The following RANBP17 variants were observed in gnomAD, a reference collection of about 807,000 sequenced individuals.
The protein encoded by RANBP17 is RAN binding protein 17, also known as ran-binding protein 17.
In RANBP17, 158 loss-of-function variants were observed where a neutral mutation model predicts 141.2. The observed-to-expected ratio is 1.12, with a 90% CI of 0.98 to 1.28. The LOEUF is 1.28. Among genes scored for constraint, RANBP17 ranks in the 50% most tolerant of loss-of-function variants. The pLI is 0.00. For synonymous variants in RANBP17, 430 were observed against 450.0 expected, an observed-to-expected ratio of 0.96 and a Z score of 0.56; for missense variants, 1,438 against 1,290.7, an observed-to-expected ratio of 1.11 and a Z score of -1.75.
At chr5:170,921,184 G>T (rs373329091) in intron 11 of RANBP17, among the ~76,000 whole-genome samples, 1 of 152,128 alleles carries the variant, frequency 6.6e-6, no homozygotes, top group African/African-American at 2.4e-5. Flanking sequence ...GTCCTGAATG[G>T]TATTGACTAG....
chr5:171,025,045 G>A (rs1394040862), intron 14 of RANBP17, among the ~76,000 whole-genome samples: 2 of 152,116 alleles, frequency 1.3e-5, no homozygotes, highest in African/African-American at 2.4e-5. Flanking sequence ...GCTTATGTCA[G>A]TACTCTGGAA....
intron 14 of RANBP17, among the ~76,000 whole-genome samples, chr5:171,066,364 A>G (rs1341328756): frequency 1.3e-5 from 2 of 151,908 alleles, no homozygotes; most frequent in African/African-American, 4.8e-5. Context: ...TCTGCTCTCT[A>G]CTTTTATGAG....
intron 14 of RANBP17, among the ~76,000 whole-genome samples, chr5:171,068,217 C>G (rs752031495): frequency 3.0e-4 from 46 of 151,964 alleles, no homozygotes; most frequent in Admixed American, 8.5e-4. Context: ...TTTCTTTCAG[C>G]TATTGTGCTT....
chr5:170,994,813 A>G (rs1433922322), intron 14 of RANBP17, among the ~76,000 whole-genome samples: 1 of 152,100 alleles, frequency 6.6e-6, no homozygotes, highest in Non-Finnish European at 1.5e-5. Context: ...CTTTTCATAA[A>G]TGACTCATTA....
At chr5:171,004,460 A>G (rs375001847) in intron 14 of RANBP17, among the ~76,000 whole-genome samples, 1 of 152,276 alleles carries the variant, frequency 6.6e-6, no homozygotes, top group Admixed American at 6.5e-5. Flanking sequence ...GGGGTTTTGA[A>G]GCTTGGCCAT....
At chr5:170,945,357 T>G (rs1431271270) in intron 12 of RANBP17, among the ~76,000 whole-genome samples, 1 of 152,188 alleles carries the variant, frequency 6.6e-6, no homozygotes, top group Non-Finnish European at 1.5e-5. Flanking sequence ...TTTTTGTAGG[T>G]ATGATACAGA....
At chr5:170,956,006 A>G (rs1775663259) in intron 13 of RANBP17, among the ~76,000 whole-genome samples, 1 of 150,954 alleles carries the variant, frequency 6.6e-6, no homozygotes, top group South Asian at 2.1e-4. Flanking sequence ...TCCACTTCTG[A>G]TTAATGAAAA....
intron 14 of RANBP17, among the ~76,000 whole-genome samples, chr5:171,030,537 A>G (rs1017428071): frequency 6.6e-6 from 1 of 152,048 alleles, no homozygotes; most frequent in East Asian, 1.9e-4. Flanking sequence ...TTCAGATTCT[A>G]GTAGAAAATT....
chr5:170,913,146 C>T (rs950437709), intron 7 of RANBP17, among the ~76,000 whole-genome samples: 2 of 151,888 alleles, frequency 1.3e-5, no homozygotes, highest in East Asian at 1.9e-4. Context: ...TTCAGATATG[C>T]GAGTCCTTCC....
intron 13 of RANBP17, among the ~76,000 whole-genome samples, chr5:170,955,582 G>GTATATATA (rs869169939): frequency 1.9e-4 from 8 of 41,674 alleles, no homozygotes; most frequent in South Asian, 9.7e-4. Context: ...CAGTCTGTGT[G>GTATATATA]TATATATATA....
At chr5:171,120,938 G>A (rs973879711) in intron 14 of RANBP17, among the ~76,000 whole-genome samples, 1 of 152,182 alleles carries the variant, frequency 6.6e-6, no homozygotes, top group Non-Finnish European at 1.5e-5. Flanking sequence ...GGTTTGTTAT[G>A]GTTTGGTGGC....
chr5:170,965,536 A>C (rs1474814613), intron 13 of RANBP17, among the ~76,000 whole-genome samples: 1 of 152,170 alleles, frequency 6.6e-6, no homozygotes, highest in Non-Finnish European at 1.5e-5. Context: ...TTTTAGGTCT[A>C]ACATGTAAGT....
At chr5:171,137,137 A>G (rs891271925) in intron 14 of RANBP17, among the ~76,000 whole-genome samples, 2 of 152,226 alleles carry the variant, frequency 1.3e-5, no homozygotes, top group South Asian at 2.1e-4. Context: ...TAAACTGGAT[A>G]GGAATTTAAC....
intron 11 of RANBP17, 28 bp downstream of exon 11, chr5:170,919,641 T>G (rs749368638): frequency 2.0e-6 from 3 of 1,516,436 alleles, no homozygotes; most frequent in Non-Finnish European, 2.7e-6. Flanking sequence ...GTTTTTGTTG[T>G]ATTTCCTTTT....
chr5:171,057,319 A>G (rs527960472), intron 14 of RANBP17, among the ~76,000 whole-genome samples: 1 of 152,266 alleles, frequency 6.6e-6, no homozygotes, highest in South Asian at 2.1e-4. Context: ...TTTTATAGTG[A>G]CAAACCATTT....
intron 24 of RANBP17, among the ~76,000 whole-genome samples, chr5:171,257,711 G>C (rs1208284993): frequency 1.3e-5 from 2 of 152,096 alleles, no homozygotes; most frequent in Non-Finnish European, 2.9e-5. Flanking sequence ...AAAGTTGCAG[G>C]ATAGAAAATC....
At chr5:170,923,252 G>A (rs947303614) in intron 11 of RANBP17, among the ~76,000 whole-genome samples, 4 of 152,096 alleles carry the variant, frequency 2.6e-5, no homozygotes, top group Non-Finnish European at 5.9e-5. Flanking sequence ...CATCATTTGT[G>A]TAACAGACTA....
At chr5:171,208,558 C>T (rs1762705146) in intron 20 of RANBP17, among the ~76,000 whole-genome samples, 1 of 152,208 alleles carries the variant, frequency 6.6e-6, no homozygotes, top group Non-Finnish European at 1.5e-5. Context: ...ATTATTTCCT[C>T]ATATGCAGTC....
In RANBP17 at chr5:171,125,045, A is replaced by C. The variant is rs565269057; in HGVS notation, c.1711-45085A>C. On this transcript the variant is annotated intron_variant, in intron 14 of 27. Transcript: ENST00000523189. The stretch of plus-strand genomic sequence containing the variant: ...GGCGGTGGCTCACGCCTGTAATCCC[A>C]ACACTTTGGGAGGCCGAGGCGGGCA... Among the ~76,000 whole-genome samples, 6 of 152,366 alleles carry C rather than the reference A, an allele frequency of 3.9e-5. No homozygotes were observed. The South Asian group carries it at 1.2e-3, about 32-fold the overall frequency.
Sources: gnomAD v4.1 joint callset for allele counts (sites outside exome capture counted in the v4.1 genomes callset) on GRCh38, gnomAD v4.1.1 for gene constraint, MANE v1.5 for transcripts, NCBI Gene and HGNC (gene_info 2026-07-23, HGNC 2026-07-21) for gene names.